BECN1: variants seen among roughly 807,000 people sequenced by gnomAD.
BECN1 encodes beclin 1, also known as beclin-1.
Under a neutral mutation model 60.1 loss-of-function variants are expected in BECN1, and 15 were observed. That is an observed-to-expected ratio of 0.25 (90% CI 0.17 to 0.38). BECN1 has a LOEUF of 0.38. Among genes scored for constraint, BECN1 ranks in the 10% least tolerant of loss-of-function variants. The probability of loss-of-function intolerance (pLI) is 1.00; values close to 1 mark genes in which losing one functional copy is unlikely to be tolerated. For synonymous variants in BECN1, 179 were observed against 201.8 expected (o/e 0.89, Z 0.96); for missense variants, 424 against 548.2 (o/e 0.77, Z 2.26).
At chr17:42,812,002 A>G (rs1378289382) in intron 10 of BECN1, 3 of 558,726 alleles carry the variant, frequency 5.4e-6, no homozygotes, top group Non-Finnish European at 9.0e-6. Context: ...TTTCACTATC[A>G]ATGAAAATGT....
chr17:42,818,138 A>G, intron 7 of BECN1, 83 bp downstream of exon 7: 1 of 1,455,476 alleles, frequency 6.9e-7, no homozygotes, highest in African/African-American at 1.4e-5. Context: ...CTAGTTTACA[A>G]ACTATTCAGA....
At chr17:42,823,479 C>CAGGTT (rs1383150961) in intron 2 of BECN1, among the ~76,000 whole-genome samples, 29 of 152,322 alleles carry the variant, frequency 1.9e-4, no homozygotes, top group African/African-American at 7.0e-4. Flanking sequence ...GTCTCGAACT[C>CAGGTT]CTGACCTCAG....
In BECN1 at chr17:42,810,447, A is replaced by T; in HGVS notation, c.*313T>A. 5.6e-6 allele frequency: 1 copy of T among 179,484 alleles called. No individual in the cohort carries two copies. The highest frequency in any genetic ancestry group is 1.2e-5 in the Non-Finnish European group (1 of 86,192). The allele number at this position is 179,484 out of a possible 1,614,324, so 11.1% of individuals were successfully genotyped here. A position where few individuals can be genotyped will look rare whatever the true frequency, so the allele number is the denominator to read the frequency against. On this transcript the variant is annotated 3_prime_UTR_variant, in exon 12 of 12. Transcript: ENST00000590099. ...AGAGATAAAAATCCAGTGAAAACAC[A>T]TCAATCTCAATTCAACTCAGTTAAA...
chr17:42,815,957 G>T lies in BECN1; in HGVS notation c.781C>A (p.Leu261Met). 6.2e-7 allele frequency: 1 copy of T among 1,614,164 alleles called. No individual in the cohort carries two copies. The highest frequency in any genetic ancestry group is 1.3e-5 in the African/African-American group (1 of 75,048). ...ENQMRYAQTQ[L>M]DKLKKTNVFN... ...ACGTTGGTTTTCTTCAGCTTATCCA[G>T]CTGCGTCTGGGCATAACGCATCTGG... Residue 261 changes from leucine (L) to methionine (M), a missense_variant, in exon 8 of 12, where the codon CTG (leucine) becomes ATG (methionine). Leu to Met is a conservative substitution (Grantham distance 15). Coordinates refer to ENST00000590099, the MANE Select transcript of BECN1 (RefSeq NM_001313998.2).
chr17:42,817,009 T>C (rs1398258558), intron 7 of BECN1, among the ~76,000 whole-genome samples: 4 of 151,786 alleles, frequency 2.6e-5, no homozygotes, highest in Non-Finnish European at 4.4e-5. Context: ...CAGTGGCTTT[T>C]TCCAGCTGGC....
At chr17:42,823,323 C>T (rs1296854974) in intron 2 of BECN1, among the ~76,000 whole-genome samples, 1 of 152,184 alleles carries the variant, frequency 6.6e-6, no homozygotes, top group Non-Finnish European at 1.5e-5. Flanking sequence ...GGTGCGATCT[C>T]AGCTCACTGC....
rs1193403539 is a variant in BECN1, at chr17:42,818,532, G to T, written c.488+12C>A. 6.2e-7 allele frequency: 1 copy of T among 1,613,960 alleles called. No individual in the cohort carries two copies. Among genetic ancestry groups the T allele is most frequent in the African/African-American group, 1.3e-5 (1 of 74,930 alleles). On this transcript the variant is annotated intron_variant, in intron 6 of 11. Coordinates refer to ENST00000590099, the MANE Select transcript of BECN1 (RefSeq NM_001313998.2). ...AGTAACAGCTCTGAGCCCTGGCTCT[G>T]GAGACACTCACTTGTAGTTCTGACA...
At chr17:42,814,078 C>A in intron 9 of BECN1, 70 bp from the exon 10 acceptor site, 2 of 1,111,170 alleles carry the variant, frequency 1.8e-6, no homozygotes, top group South Asian at 1.5e-5. Context: ...AGTTACAACC[C>A]AATGATTTCA....
At chr17:42,822,151 C>T (rs1462451405) in intron 2 of BECN1, among the ~76,000 whole-genome samples, 2 of 152,046 alleles carry the variant, frequency 1.3e-5, no homozygotes, top group Non-Finnish European at 2.9e-5. Context: ...TGCAGTGAGC[C>T]GAGATCGCGC....
intron 6 of BECN1, 39 bp downstream of exon 6, chr17:42,818,505 G>A (rs2055192173): frequency 1.9e-6 from 3 of 1,613,606 alleles, no homozygotes; most frequent in Non-Finnish European, 8.5e-7. Flanking sequence ...CAGTCTCAGA[G>A]CAGTAACAGC....
At chr17:42,816,107 T>C in intron 7 of BECN1, 53 bp from the exon 8 acceptor site, 1 of 1,505,456 alleles carries the variant, frequency 6.6e-7, no homozygotes, top group South Asian at 1.3e-5. Context: ...GGCTAAAGTT[T>C]CTCTCTCACC....
chr17:42,811,883 C>A, intron 10 of BECN1, 86 bp from the exon 11 acceptor site: 1 of 1,501,884 alleles, frequency 6.7e-7, no homozygotes, highest in South Asian at 1.3e-5. Context: ...TCTCTCAAGT[C>A]ATGTTCTGTC....
At chr17:42,820,955 T>G in intron 2 of BECN1, 114 bp from the exon 3 acceptor site, 1 of 891,768 alleles carries the variant, frequency 1.1e-6, no homozygotes, top group Non-Finnish European at 1.8e-6. Flanking sequence ...CTCCAATTTT[T>G]CTTAAAGTAC....
intron 3 of BECN1, 24 bp downstream of exon 3, chr17:42,820,750 T>C: frequency 6.4e-7 from 1 of 1,551,594 alleles, no homozygotes; most frequent in Admixed American, 1.9e-5. Flanking sequence ...ATGAGGAGGA[T>C]AGGGGAGAGG....
Position 42,818,149 on chromosome 17 carries a change from C to A in BECN1, c.683+72G>T, listed in dbSNP as rs950305469. On this transcript the variant is annotated intron_variant, in intron 7 of 11. Transcript: ENST00000590099. ...CTGACTAGTTTACAAACTATTCAGACACATTCAGCTGGAAGCCATTTCCTC... is the reference window on the plus strand; with the variant it reads ...CTGACTAGTTTACAAACTATTCAGAAACATTCAGCTGGAAGCCATTTCCTC... The A allele has an allele frequency of 1.3e-5, 20 of 1,508,366 alleles. No homozygotes were observed. The African/African-American group carries it at 2.2e-4, about 17-fold the overall frequency. 93.4% of individuals were successfully genotyped at this position (1,508,366 alleles called of 1,614,324 possible).
intron 10 of BECN1, chr17:42,812,050 T>G: frequency 2.3e-6 from 1 of 437,424 alleles, no homozygotes; most frequent in Non-Finnish European, 4.0e-6. Flanking sequence ...AAATCCAAAT[T>G]GCTACAAAAC....
At chr17:42,822,517 ACTGT>A (rs1358921867) in intron 2 of BECN1, among the ~76,000 whole-genome samples, 1 of 152,164 alleles carries the variant, frequency 6.6e-6, no homozygotes, top group Non-Finnish European at 1.5e-5. Flanking sequence ...CTTCTCTTTT[ACTGT>A]CTGACTTAAT....
intron 1 of BECN1, 28 bp from the exon 2 acceptor site, chr17:42,823,907 AG>A: frequency 6.2e-7 from 1 of 1,606,014 alleles, no homozygotes; most frequent in Non-Finnish European, 8.5e-7. Flanking sequence ...AGGCAACATT[AG>A]GGAGAAGCGA....
Position 42,819,568 on chromosome 17 carries a change from G to C in BECN1, c.240C>G (p.Arg80=). 6.2e-7 allele frequency: 1 copy of C among 1,613,774 alleles called. No homozygotes were observed. Among genetic ancestry groups the C allele is most frequent in the Non-Finnish European group, 8.5e-7 (1 of 1,179,958 alleles). The change falls in exon 4 of 12, where the codon CGC becomes CGG. Residue 80 remains arginine (R), a synonymous_variant. Coordinates refer to ENST00000590099, the MANE Select transcript of BECN1 (RefSeq NM_001313998.2). ...GGCACCTGGCTGGGGGGATGAATCT[G>C]CGAGAGACACCATCCTGGCGAGGAG... The part of the protein sequence containing the change: ...IETPRQDGVS[R]RFIPPARMMS...
Sources: gnomAD v4.1 joint callset for allele counts (sites outside exome capture counted in the v4.1 genomes callset) on GRCh38, gnomAD v4.1.1 for gene constraint, MANE v1.5 for transcripts, NCBI Gene and HGNC (gene_info 2026-07-23, HGNC 2026-07-21) for gene names.